The following FHAD1 variants were observed in gnomAD, a reference collection of about 807,000 sequenced individuals.
FHAD1 encodes forkhead associated phosphopeptide binding domain 1, also known as forkhead-associated domain-containing protein 1.
In FHAD1, 146 loss-of-function variants were observed where a neutral mutation model predicts 191.3. The observed-to-expected ratio is 0.76, with a 90% CI of 0.67 to 0.88. The LOEUF (loss-of-function observed/expected upper bound fraction) is 0.88. Among genes scored for constraint, FHAD1 ranks in the 40% least tolerant of loss-of-function variants. The pLI, the probability that FHAD1 is intolerant of heterozygous loss-of-function variation, is 0.00. For synonymous variants in FHAD1, 616 were observed against 672.3 expected (o/e 0.92, Z 1.29); for missense variants, 1,635 against 1,785.8 (o/e 0.92, Z 1.52).
At chr1:15,360,862 CAGAA>C in intron 22 of FHAD1, among the ~76,000 whole-genome samples, 159 bp downstream of exon 22, 1 of 152,278 alleles carries the variant, frequency 6.6e-6, no homozygotes, top group Non-Finnish European at 1.5e-5. Context: ...ACAACGATGT[CAGAA>C]GCCCTCCGAG....
At chr1:15,271,513 C>T (rs1655973947) in intron 2 of FHAD1, among the ~76,000 whole-genome samples, 1 of 152,196 alleles carries the variant, frequency 6.6e-6, no homozygotes, top group African/African-American at 2.4e-5. Flanking sequence ...GCTGGGGCCC[C>T]TTTCCTTTGG....
chr1:15,387,979 T>C (rs1702584463), intron 31 of FHAD1, 72 bp from the exon 32 acceptor site: 1 of 795,706 alleles, frequency 1.3e-6, no homozygotes, highest in African/African-American at 1.8e-5. Flanking sequence ...CTCAGAGGCC[T>C]GTCCCAGATT....
intron 6 of FHAD1, among the ~76,000 whole-genome samples, chr1:15,302,479 G>A (rs112226899): frequency 0.048 from 7,302 of 152,054 alleles, 191 homozygotes; most frequent in Non-Finnish European, 0.051. Context: ...TAATCCCAGC[G>A]CTTCGGGAGG....
chr1:15,375,445 T>A (rs899072668), intron 27 of FHAD1, among the ~76,000 whole-genome samples, 158 bp from the exon 28 acceptor site: 1 of 152,140 alleles, frequency 6.6e-6, no homozygotes, highest in South Asian at 2.1e-4. Flanking sequence ...CTTGGCCAGG[T>A]CATTTAATCT....
At chr1:15,297,143 G>T (rs188801645) in intron 5 of FHAD1, among the ~76,000 whole-genome samples, 2 of 152,246 alleles carry the variant, frequency 1.3e-5, no homozygotes, top group Admixed American at 1.3e-4. Context: ...CACAGTAAAA[G>T]GGGCAGAATT....
At chr1:15,326,101 A>G (rs888793597) in intron 11 of FHAD1, 13 of 152,352 alleles carry the variant, frequency 8.5e-5, no homozygotes, top group East Asian at 3.8e-4. Context: ...TTCTCCTGGC[A>G]GGGTCACTGC....
At chr1:15,399,049 T>C (rs1189115687), downstream of FHAD1, among the ~76,000 whole-genome samples, 1 of 152,182 alleles carries the variant, frequency 6.6e-6, no homozygotes, top group Non-Finnish European at 1.5e-5. Flanking sequence ...CTAGAACTCC[T>C]GACCTCAGGT....
At chr1:15,345,276 C>G in intron 17 of FHAD1, 86 bp downstream of exon 17, 3 of 1,378,114 alleles carry the variant, frequency 2.2e-6, no homozygotes, top group Non-Finnish European at 3.0e-6. Context: ...GGCCCGCCGG[C>G]TCTGAGCTCC....
intron 33 of FHAD1, among the ~76,000 whole-genome samples, chr1:15,393,560 T>C (rs1447969422): frequency 6.6e-6 from 1 of 150,588 alleles, no homozygotes; most frequent in Non-Finnish European, 1.5e-5. Context: ...GTTAGACTAA[T>C]GAAGACATAA....
chr1:15,264,476 C>T (rs1652540983), intron 2 of FHAD1, among the ~76,000 whole-genome samples: 1 of 151,262 alleles, frequency 6.6e-6, no homozygotes, highest in Admixed American at 6.6e-5. Flanking sequence ...TTTTTGCATG[C>T]TGATTTTGTA....
In FHAD1 at chr1:15,318,898, G is replaced by A. The variant is rs566724155; in HGVS notation, c.1365+970G>A. On this transcript the variant is annotated intron_variant, in intron 10 of 33. Transcript: ENST00000688493. This position sits in a 1 kb window ranked among gnomAD's most constrained non-coding sequence, Gnocchi z 4.1. ...AATTTTTTTAACTGAAAATATCTTC[G>A]AGAGTCCTGAGCAGTGTGGACAGAA... is the stretch of plus-strand genomic sequence containing the variant. Among the ~76,000 whole-genome samples the A allele has an allele frequency of 5.9e-5, 9 of 152,056 alleles. No homozygotes were observed. The South Asian group carries it at 1.9e-3, about 32-fold the overall frequency.
intron 24 of FHAD1, among the ~76,000 whole-genome samples, chr1:15,366,448 G>T (rs146217557): frequency 6.6e-6 from 1 of 152,188 alleles, no homozygotes; most frequent in African/African-American, 2.4e-5. Context: ...GCCAAGGGGC[G>T]CAGGGCACAT....
chr1:15,324,680 C>A, intron 11 of FHAD1, 121 bp downstream of exon 11: 1 of 705,094 alleles, frequency 1.4e-6, no homozygotes, highest in Non-Finnish European at 2.5e-6. Flanking sequence ...GTTAATTCTC[C>A]CATTTATCTC....
chr1:15,387,537 C>T lies in FHAD1; in HGVS notation c.4189-514C>T, dbSNP rs569505714. On this transcript the variant is annotated intron_variant, in intron 31 of 33. Transcript: ENST00000688493. ...GCCGAGGCAGAAGGATGACTTGAGG[C>T]CAGGAGTTTGAGACCAGCCTGGGCA... is the stretch of plus-strand genomic sequence containing the variant. Among the ~76,000 whole-genome samples the T allele has an allele frequency of 3.3e-5, 5 of 152,062 alleles. No individual in the cohort carries two copies. The South Asian group carries it at 1.0e-3, about 32-fold the overall frequency.
intron 2 of FHAD1, among the ~76,000 whole-genome samples, chr1:15,255,120 T>TAAAAAAAAAAAAAAAAAAA (rs55969718): frequency 1.4e-5 from 2 of 147,764 alleles, no homozygotes; most frequent in Non-Finnish European, 3.0e-5. Flanking sequence ...TCAGGAATCT[T>TAAAAAAAAAAAAAAAAAAA]AAAAAAGTCA....
At chr1:15,259,470 C>A (rs1397262598) in intron 2 of FHAD1, among the ~76,000 whole-genome samples, 1 of 152,162 alleles carries the variant, frequency 6.6e-6, no homozygotes. Context: ...AACGCTTCTA[C>A]TCAAAGATAC....
At chr1:15,304,310 A>G (rs1405805269) in intron 6 of FHAD1, among the ~76,000 whole-genome samples, 1 of 152,242 alleles carries the variant, frequency 6.6e-6, no homozygotes, top group African/African-American at 2.4e-5. Flanking sequence ...ACACAGTGTA[A>G]TAGGCACTAA....
At chr1:15,253,148 C>CTGTGTGTGTGTGTG (rs5772631) in intron 2 of FHAD1, among the ~76,000 whole-genome samples, 16 of 146,044 alleles carry the variant, frequency 1.1e-4, no homozygotes, top group African/African-American at 3.5e-4. Flanking sequence ...GACATAAGTG[C>CTGTGTGTGTGTGTG]TGTGTGTGTG....
intron 14 of FHAD1, among the ~76,000 whole-genome samples, chr1:15,331,501 TG>T (rs1681454527): frequency 1.6e-5 from 2 of 124,040 alleles, no homozygotes; most frequent in South Asian, 5.7e-4. Flanking sequence ...GATGGATGGA[TG>T]GATGGATGGA....
Sources: gnomAD v4.1 joint callset for allele counts (sites outside exome capture counted in the v4.1 genomes callset) on GRCh38, gnomAD v4.1.1 for gene constraint, Gnocchi (gnomAD v3.1) non-coding constraint, MANE v1.5 for transcripts, NCBI Gene and HGNC (gene_info 2026-07-23, HGNC 2026-07-21) for gene names.